SYDE2: variants seen among roughly 807,000 people sequenced by gnomAD.
SYDE2 encodes synapse defective Rho GTPase homolog 2.
Under a neutral mutation model 91.5 loss-of-function variants are expected in SYDE2, and 76 were observed. The ratio of observed to expected loss-of-function variants is 0.83; its 90% CI spans 0.69 to 1.01. SYDE2 has a LOEUF of 1.01. Ranked by LOEUF, SYDE2 falls within the 50% of genes least tolerant of loss-of-function variation. SYDE2 has a pLI of 0.00. For missense variants in SYDE2, 1,364 were observed against 1,367.7 expected (o/e 1.00, Z 0.04); for synonymous variants, 513 against 506.4 (o/e 1.01, Z -0.18).
At chr1:85,195,286 C>T (rs1570279101) in intron 1 of SYDE2, among the ~76,000 whole-genome samples, 1 of 152,050 alleles carries the variant, frequency 6.6e-6, no homozygotes, top group Admixed American at 6.6e-5. Flanking sequence ...ATCTTATGAA[C>T]ACTGTATTAG....
intron 4 of SYDE2, among the ~76,000 whole-genome samples, chr1:85,169,542 C>T (rs1348915056): frequency 6.6e-6 from 1 of 152,106 alleles, no homozygotes; most frequent in African/African-American, 2.4e-5. Flanking sequence ...AAAAGCTTCT[C>T]TAAATGCATG....
At chr1:85,173,345 G>A (rs1657569622) in intron 4 of SYDE2, among the ~76,000 whole-genome samples, 1 of 152,170 alleles carries the variant, frequency 6.6e-6, no homozygotes, top group African/African-American at 2.4e-5. Context: ...AAGATGCAAG[G>A]AAGGATTCCC....
chr1:85,196,794 CAG>C (rs920595941), intron 1 of SYDE2, among the ~76,000 whole-genome samples: 1 of 152,172 alleles, frequency 6.6e-6, no homozygotes, highest in African/African-American at 2.4e-5. Flanking sequence ...GATAAAAAAT[CAG>C]AGTTACAAAT....
At position 85,178,820 on chromosome 1, in the gene SYDE2, GT is replaced by G. The variant is rs1057249437; in HGVS notation, c.2545-549del. Among the ~76,000 whole-genome samples, 24 of 147,524 alleles carry G rather than the reference GT, an allele frequency of 1.6e-4. 1 individual carries two copies. Among genetic ancestry groups the G allele is most frequent in the South Asian group, 4.3e-4 (2 of 4,646 alleles). On this transcript the variant is annotated intron_variant, in intron 3 of 6. Transcript: ENST00000341460. ...GAAGACCCAGAAGCAAACCTAGGGT[GT>G]TTTTTTTTTAAGTTGTCAAATTAAT... is the stretch of plus-strand genomic sequence containing the variant.
chr1:85,154,045 T>G (rs902147873), downstream of SYDE2: 6 of 152,158 alleles, frequency 3.9e-5, no homozygotes, highest in East Asian at 9.7e-4. Flanking sequence ...CTTCAGTGTT[T>G]ATCACATATG....
intron 4 of SYDE2, 61 bp downstream of exon 4, chr1:85,178,085 T>C (rs1156759655): frequency 2.6e-5 from 34 of 1,326,662 alleles, no homozygotes; most frequent in Non-Finnish European, 3.4e-5. Context: ...GTATTTCAGT[T>C]ATCTTTCTTG....
chr1:85,177,980 C>A (rs35693347), intron 4 of SYDE2, among the ~76,000 whole-genome samples, 166 bp downstream of exon 4: 6,280 of 152,216 alleles, frequency 0.041, 183 homozygotes, highest in Middle Eastern at 0.075. Flanking sequence ...GGGACCATAG[C>A]TTAATACCTT....
chr1:85,200,919 G>C lies in SYDE2; in HGVS notation c.78C>G (p.Ala26=). The change falls in exon 1 of 7, where the codon GCC becomes GCG. Residue 26 remains alanine (A), a synonymous_variant. Coordinates refer to ENST00000341460, the MANE Select transcript of SYDE2 (RefSeq NM_032184.2). ...GGGAAGGCGGCTGGCCCGGAGCCCG[G>C]GCTCCCGCGGGGAAGCTGTGATCCG... is the stretch of plus-strand genomic sequence containing the variant. ...GLADHSFPAG[A]RAPGQPPSRG... is the part of the protein sequence containing the mutation. 7.6e-7 allele frequency: 1 copy of C among 1,320,736 alleles called. No individual in the cohort carries two copies. The allele number at this position is 1,320,736 out of a possible 1,614,324, so 81.8% of individuals were successfully genotyped here.
At chr1:85,195,871 A>T (rs1658567421) in intron 1 of SYDE2, among the ~76,000 whole-genome samples, 1 of 152,176 alleles carries the variant, frequency 6.6e-6, no homozygotes, top group African/African-American at 2.4e-5. Context: ...AGTGCTAGGC[A>T]CAGCACCAAA....
intron 4 of SYDE2, among the ~76,000 whole-genome samples, chr1:85,175,224 G>A (rs1657650355): frequency 6.6e-6 from 1 of 152,208 alleles, no homozygotes; most frequent in Non-Finnish European, 1.5e-5. Context: ...AATAGGCTGG[G>A]CGCAGTGGCT....
intron 6 of SYDE2, among the ~76,000 whole-genome samples, chr1:85,162,510 C>G (rs1657100308): frequency 6.6e-6 from 1 of 152,070 alleles, no homozygotes; most frequent in African/African-American, 2.4e-5. Context: ...GTCTGAGGTA[C>G]TACAACTAAA....
intron 5 of SYDE2, among the ~76,000 whole-genome samples, chr1:85,166,027 C>A (rs1024091196): frequency 9.2e-5 from 14 of 152,022 alleles, no homozygotes; most frequent in Middle Eastern, 3.4e-3. Context: ...GCATGCGACA[C>A]CATACCCACT....
At chr1:85,198,028 A>C (rs1658662391) in intron 1 of SYDE2, among the ~76,000 whole-genome samples, 1 of 152,178 alleles carries the variant, frequency 6.6e-6, no homozygotes, top group Non-Finnish European at 1.5e-5. Context: ...TGAGGAAGTT[A>C]CTTACCCCGC....
chr1:85,186,850 C>T (rs1432331765), intron 2 of SYDE2, among the ~76,000 whole-genome samples: 1 of 152,122 alleles, frequency 6.6e-6, no homozygotes, highest in African/African-American at 2.4e-5. Flanking sequence ...CTTATACCTT[C>T]TACAAAAATT....
At position 85,190,561 on chromosome 1, in the gene SYDE2, G is replaced by C. The variant is rs2100686835; in HGVS notation, c.937C>G (p.His313Asp). The change falls in exon 2 of 7, where the codon CAT becomes GAT. Residue 313 changes from histidine (H) to aspartate (D), a missense_variant. Transcript: ENST00000341460. ...EENKKCQDRSHLSISPVSLPK... is the reference protein window; with the variant it reads ...EENKKCQDRSDLSISPVSLPK... ...AGAGACACAGGTGAGATGGATAAATGACTTCTATCTTGGCATTTCTTATTT... is the reference window on the plus strand; with the variant it reads ...AGAGACACAGGTGAGATGGATAAATCACTTCTATCTTGGCATTTCTTATTT... 2 of 1,613,926 alleles carry C rather than the reference G, an allele frequency of 1.2e-6. No homozygotes were observed. The highest frequency in any genetic ancestry group is 1.7e-6 in the Non-Finnish European group (2 of 1,179,882).
intron 6 of SYDE2, among the ~76,000 whole-genome samples, chr1:85,164,284 G>T (rs1657184997): frequency 6.6e-6 from 1 of 152,118 alleles, no homozygotes; most frequent in Non-Finnish European, 1.5e-5. Context: ...GTACAACCAG[G>T]ATTTAAATCT....
chr1:85,171,926 G>A (rs1056999354), intron 4 of SYDE2, among the ~76,000 whole-genome samples: 2 of 152,034 alleles, frequency 1.3e-5, no homozygotes, highest in African/African-American at 4.8e-5. Flanking sequence ...AGGGGAGGGC[G>A]GGGGAGAAAC....
In SYDE2 at chr1:85,182,708, C is replaced by G; in HGVS notation, c.1934G>C (p.Gly645Ala). The change falls in exon 3 of 7, where the codon GGA becomes GCA. Residue 645 changes from glycine (G) to alanine (A), a missense_variant. Transcript: ENST00000341460. ...ACAACTATTTGAAATTATTTCTTTT[C>G]CTTTTCCAAATTTGTTTTCAGATCC... ...KHGSENKFGK[G>A]KEIISNSCSK... 6.2e-7 allele frequency: 1 copy of G among 1,613,698 alleles called. No homozygotes were observed. The highest frequency in any genetic ancestry group is 8.5e-7 in the Non-Finnish European group (1 of 1,179,822).
intron 2 of SYDE2, among the ~76,000 whole-genome samples, chr1:85,185,756 T>C (rs1434890147): frequency 1.3e-5 from 2 of 151,668 alleles, no homozygotes; most frequent in Non-Finnish European, 3.0e-5. Flanking sequence ...CAGGGACAAT[T>C]TGACTTCCTC....
Sources: gnomAD v4.1 joint callset for allele counts (sites outside exome capture counted in the v4.1 genomes callset) on GRCh38, gnomAD v4.1.1 for gene constraint, MANE v1.5 for transcripts, NCBI Gene and HGNC (gene_info 2026-07-23, HGNC 2026-07-21) for gene names.